TESK2: variants seen among roughly 807,000 people sequenced by gnomAD.
TESK2 encodes testis associated actin remodelling kinase 2.
A neutral mutation model predicts 57.1 loss-of-function variants in TESK2; 39 were observed. That is an observed-to-expected ratio of 0.68 (90% CI 0.53 to 0.89). The LOEUF (loss-of-function observed/expected upper bound fraction) is 0.89, where lower values mean the gene tolerates loss of function less well. Ranked by LOEUF, TESK2 falls within the 40% of genes least tolerant of loss-of-function variation. TESK2 has a pLI of 0.00. For missense variants in TESK2, 646 were observed against 732.1 expected, an observed-to-expected ratio of 0.88 and a Z score of 1.36; for synonymous variants, 249 against 267.9, an observed-to-expected ratio of 0.93 and a Z score of 0.69.
At chr1:45,485,344 C>A (rs1653420941) in intron 1 of TESK2, among the ~76,000 whole-genome samples, 1 of 151,174 alleles carries the variant, frequency 6.6e-6, no homozygotes, top group Admixed American at 6.6e-5. Context: ...TGTGCCACCA[C>A]GCCCTGCTAA....
At chr1:45,428,474 T>C (rs1407135169) in intron 2 of TESK2, among the ~76,000 whole-genome samples, 9 of 152,000 alleles carry the variant, frequency 5.9e-5, no homozygotes, top group Non-Finnish European at 1.3e-4. Context: ...AAACTGACAA[T>C]GTAAGGCAAA....
At chr1:45,390,959 C>G (rs1266403539) in intron 3 of TESK2, among the ~76,000 whole-genome samples, 1 of 150,914 alleles carries the variant, frequency 6.6e-6, no homozygotes, top group African/African-American at 2.4e-5. Flanking sequence ...CACTCTGCGC[C>G]CAGGCTGGAG....
chr1:45,345,498 T>C lies in TESK2; in HGVS notation c.1058A>G (p.His353Arg). Reference protein sequence around the residue: ...RLSSLDDKIPHKSPCPRRTIW... With the variant: ...RLSSLDDKIPRKSPCPRRTIW... ...GGTACGTCTTGGGCATGGTGACTTG[T>C]GGGGGATCTTGTCATCCAGTGAGCT... Residue 353 changes from histidine to arginine, a missense_variant, in exon 11 of 11, where the codon CAC becomes CGC. By Grantham distance (29) the His-to-Arg change is conservative (BLOSUM62 0). Coordinates refer to ENST00000372086, the MANE Select transcript of TESK2 (RefSeq NM_007170.3). 1 of 1,614,078 alleles carries C rather than the reference T, an allele frequency of 6.2e-7. No homozygotes were observed. The highest frequency in any genetic ancestry group is 8.5e-7 in the Non-Finnish European group (1 of 1,180,004).
At chr1:45,482,268 T>C (rs573996847) in intron 1 of TESK2, among the ~76,000 whole-genome samples, 76 of 152,280 alleles carry the variant, frequency 5.0e-4, no homozygotes, top group Non-Finnish European at 9.6e-4. Context: ...GGCTCACACT[T>C]GTGATCTCAG....
chr1:45,387,556 T>A (rs1648953526), intron 3 of TESK2, among the ~76,000 whole-genome samples: 1 of 151,994 alleles, frequency 6.6e-6, no homozygotes, highest in South Asian at 2.1e-4. Flanking sequence ...GATCATAAAA[T>A]TTCCAGGAAG....
At chr1:45,482,962 A>T (rs1254423901) in intron 1 of TESK2, among the ~76,000 whole-genome samples, 1 of 143,004 alleles carries the variant, frequency 7.0e-6, no homozygotes, top group Non-Finnish European at 1.5e-5. Context: ...TCTGGGTGAC[A>T]AGAACAAAAC....
chr1:45,349,355 G>A (rs147170849), intron 5 of TESK2, among the ~76,000 whole-genome samples: 4 of 152,212 alleles, frequency 2.6e-5, no homozygotes, highest in African/African-American at 9.6e-5. Context: ...GCTTGTCCTG[G>A]CTTTGGCTCT....
chr1:45,374,511 G>C lies in TESK2; in HGVS notation c.393+11401C>G, dbSNP rs74804385. 5.9e-4 allele frequency among the ~76,000 whole-genome samples: 88 copies of C among 150,190 alleles called. No individual in the cohort carries two copies. The East Asian group carries it at 0.014, about 23-fold the overall frequency. ...TGCTAATTAAATAATATATTGAGAG[G>C]GAGAAAAAAAAAGCTTAGCAGACCC... is the stretch of plus-strand genomic sequence containing the variant. On this transcript the variant is annotated intron_variant, in intron 4 of 10. Coordinates refer to ENST00000372086, the MANE Select transcript of TESK2 (RefSeq NM_007170.3).
At chr1:45,486,285 T>C (rs1004266760) in intron 1 of TESK2, among the ~76,000 whole-genome samples, 3 of 152,180 alleles carry the variant, frequency 2.0e-5, no homozygotes, top group African/African-American at 7.2e-5. Flanking sequence ...TTACCATAGG[T>C]TTCAAATTCC....
intron 1 of TESK2, among the ~76,000 whole-genome samples, chr1:45,488,571 T>C (rs1166165935): frequency 6.6e-6 from 1 of 152,178 alleles, no homozygotes; most frequent in Non-Finnish European, 1.5e-5. Context: ...GAACTAGACA[T>C]ACCTGCTCAA....
chr1:45,484,959 A>C, intron 1 of TESK2, among the ~76,000 whole-genome samples: 1 of 151,488 alleles, frequency 6.6e-6, no homozygotes, highest in Admixed American at 6.6e-5. Flanking sequence ...TGAACCCGGG[A>C]GGCGGAGCTT....
intron 4 of TESK2, among the ~76,000 whole-genome samples, chr1:45,373,866 T>C (rs1384158550): frequency 2.0e-5 from 3 of 152,202 alleles, no homozygotes; most frequent in Non-Finnish European, 4.4e-5. Flanking sequence ...CCTTCCATGG[T>C]CCTACTTGCT....
chr1:45,347,192 CCAGT>C (rs1250609056), intron 7 of TESK2, 130 bp from the exon 8 acceptor site: 26 of 719,050 alleles, frequency 3.6e-5, no homozygotes, highest in Non-Finnish European at 5.4e-5. Flanking sequence ...ATACTTCATC[CCAGT>C]CAGTCACTGG....
chr1:45,372,258 A>T (rs888518969), intron 4 of TESK2, among the ~76,000 whole-genome samples: 2 of 150,106 alleles, frequency 1.3e-5, no homozygotes, highest in African/African-American at 5.0e-5. Context: ...TTTTTGAAAA[A>T]ATAACAATTA....
intron 3 of TESK2, among the ~76,000 whole-genome samples, chr1:45,417,651 G>A (rs1024686029): frequency 2.0e-5 from 3 of 151,760 alleles, no homozygotes; most frequent in East Asian, 3.9e-4. Flanking sequence ...GAGTGCGGTG[G>A]CGCGATCTCG....
chr1:45,460,774 A>G (rs1232450876), intron 1 of TESK2, among the ~76,000 whole-genome samples: 1 of 152,142 alleles, frequency 6.6e-6, no homozygotes, highest in Non-Finnish European at 1.5e-5. Flanking sequence ...AAAAATAATA[A>G]TAATTTTAAA....
In TESK2 at chr1:45,346,770, G is replaced by C; in HGVS notation, c.802C>G (p.Leu268Val). 6.2e-7 allele frequency: 1 copy of C among 1,614,060 alleles called. No individual in the cohort carries two copies. The highest frequency in any genetic ancestry group is 8.5e-7 in the Non-Finnish European group (1 of 1,179,976). Residue 268 changes from leucine (L) to valine (V), a missense_variant, in exon 9 of 11, where the codon CTG becomes GTG. Transcript: ENST00000372086. ...ATGTGCTGGAAAGCATCATAGTCCAGCCCGAAATTCTGTGGATGGGTATGG... is the reference window on the plus strand; with the variant it reads ...ATGTGCTGGAAAGCATCATAGTCCACCCCGAAATTCTGTGGATGGGTATGG... The part of the protein sequence containing the change: ...DYLPRTENFG[L>V]DYDAFQHMVG...
intron 6 of TESK2, 90 bp downstream of exon 6, chr1:45,347,828 C>A (rs905036975): frequency 2.1e-6 from 3 of 1,431,124 alleles, no homozygotes; most frequent in South Asian, 1.1e-5. Flanking sequence ...GAGCTGTGAC[C>A]AAGTCCTGGC....
chr1:45,429,702 CT>C (rs1650870376), intron 2 of TESK2, among the ~76,000 whole-genome samples: 1 of 152,168 alleles, frequency 6.6e-6, no homozygotes, highest in Non-Finnish European at 1.5e-5. Context: ...TGTTATCTGA[CT>C]TTCCAAGAAA....
Sources: allele counts gnomAD v4.1 joint callset (sites outside exome capture counted in the v4.1 genomes callset), GRCh38; gene constraint gnomAD v4.1.1; transcripts MANE v1.5; gene names NCBI Gene and HGNC (gene_info 2026-07-23, HGNC 2026-07-21).